Variants in MAGI2 observed in about 807,000 individuals in gnomAD.
MAGI2 encodes membrane associated guanylate kinase, WW and PDZ domain containing 2.
In MAGI2, 35 loss-of-function variants were observed where a neutral mutation model predicts 133.3. The observed-to-expected ratio is 0.26, with a 90% CI of 0.20 to 0.35. The LOEUF is 0.35. MAGI2 is among the 10% of genes least tolerant of loss of function. The pLI, the probability that MAGI2 is intolerant of heterozygous loss-of-function variation, is 1.00. For missense variants in MAGI2, 1,636 were observed against 1,863.4 expected (o/e 0.88, Z 2.25); for synonymous variants, 729 against 710.6 (o/e 1.03, Z -0.41).
intron 2 of MAGI2, among the ~76,000 whole-genome samples, chr7:78,731,774 T>C (rs1255569519): frequency 6.6e-6 from 1 of 152,188 alleles, no homozygotes; most frequent in Non-Finnish European, 1.5e-5. Context: ...TCTATTTTCT[T>C]TGAGCCCCTG....
intron 20 of MAGI2, among the ~76,000 whole-genome samples, chr7:78,124,105 C>T (rs773714137): frequency 5.3e-5 from 8 of 152,172 alleles, no homozygotes; most frequent in Admixed American, 2.0e-4. Context: ...TGTAGTCCAC[C>T]GTGGGTCTCT....
chr7:78,944,565 C>A (rs1801253128), intron 2 of MAGI2, among the ~76,000 whole-genome samples: 1 of 151,956 alleles, frequency 6.6e-6, no homozygotes, highest in Non-Finnish European at 1.5e-5. Flanking sequence ...TCTTTCAAAT[C>A]ATTAAATAAA....
intron 1 of MAGI2, among the ~76,000 whole-genome samples, chr7:79,300,695 A>G (rs542271186): frequency 6.6e-6 from 1 of 152,310 alleles, no homozygotes; most frequent in East Asian, 1.9e-4. Context: ...CTTGCTAGAG[A>G]GATGTGCATA....
chr7:79,359,667 GAAACACAC>G (rs1563150433), intron 1 of MAGI2, among the ~76,000 whole-genome samples: 1 of 121,582 alleles, frequency 8.2e-6, no homozygotes, highest in East Asian at 2.7e-4. Flanking sequence ...GCTCAAGTGG[GAAACACAC>G]ACACACACAC....
intron 2 of MAGI2, among the ~76,000 whole-genome samples, chr7:78,644,071 A>G (rs1363981993): frequency 6.6e-6 from 1 of 152,182 alleles, no homozygotes; most frequent in Admixed American, 6.5e-5. Context: ...AAAGAACATT[A>G]ACAGTGATAA....
At chr7:79,289,291 GAATT>G (rs1836273442) in intron 1 of MAGI2, among the ~76,000 whole-genome samples, 1 of 152,182 alleles carries the variant, frequency 6.6e-6, no homozygotes, top group Admixed American at 6.5e-5. Flanking sequence ...TACCAAACAT[GAATT>G]AATATCACCA....
Position 78,127,279 on chromosome 7 carries a change from TA to T in MAGI2, c.3340del (p.Tyr1114ThrfsTer61). The T allele has an allele frequency of 1.2e-6, 2 of 1,607,236 alleles. No individual in the cohort carries two copies. Among genetic ancestry groups the T allele is most frequent in the Non-Finnish European group, 1.7e-6 (2 of 1,175,568 alleles). On this transcript the variant is annotated frameshift_variant, in exon 19 of 22. Transcript: ENST00000354212. LOFTEE classifies it high-confidence loss of function. ...GTAGTCCAGTAGGGGAGGCTGCCTG[TA>T]GTCCAAGGGTGGGGGCTGCTGGTAG... ...GDYQQPPPLD[Y>X]RQPPLLDYRQ...
chr7:79,373,400 C>G (rs1306491995), intron 1 of MAGI2, among the ~76,000 whole-genome samples: 1 of 151,684 alleles, frequency 6.6e-6, no homozygotes, highest in African/African-American at 2.4e-5. Flanking sequence ...CAATACAGTT[C>G]CCTTCTGAAA....
intron 6 of MAGI2, among the ~76,000 whole-genome samples, chr7:78,404,580 A>C (rs888463002): frequency 6.6e-6 from 1 of 152,208 alleles, no homozygotes; most frequent in African/African-American, 2.4e-5. Flanking sequence ...AGGATTCCCT[A>C]TTTAATAAAT....
At chr7:78,559,769 T>G (rs932731070) in intron 3 of MAGI2, among the ~76,000 whole-genome samples, 4 of 152,196 alleles carry the variant, frequency 2.6e-5, no homozygotes, top group Admixed American at 6.5e-5. Flanking sequence ...GTCACATCCC[T>G]GCCTTGAGAA....
chr7:78,840,089 A>T (rs1433629589), intron 2 of MAGI2, among the ~76,000 whole-genome samples: 1 of 151,454 alleles, frequency 6.6e-6, no homozygotes, highest in Non-Finnish European at 1.5e-5. Flanking sequence ...AGTTCACTTA[A>T]TTTTTTTTTA....
chr7:78,489,849 A>G lies in MAGI2; in HGVS notation c.966-9T>C. ...TTGTCTTTGTGTTATGGCTGAAAAGAAAAGAGATCACTCTGAACAGACACA... is the reference window on the plus strand; with the variant it reads ...TTGTCTTTGTGTTATGGCTGAAAAGGAAAGAGATCACTCTGAACAGACACA... On this transcript the variant is annotated splice_polypyrimidine_tract_variant and intron_variant, in intron 5 of 21. Coordinates refer to ENST00000354212, the MANE Select transcript of MAGI2 (RefSeq NM_012301.4). 6.2e-7 allele frequency: 1 copy of G among 1,606,754 alleles called. No homozygotes were observed. Among genetic ancestry groups the G allele is most frequent in the South Asian group, 1.1e-5 (1 of 90,780 alleles).
chr7:78,770,044 C>T (rs1224495161), intron 2 of MAGI2, among the ~76,000 whole-genome samples: 1 of 152,144 alleles, frequency 6.6e-6, no homozygotes, highest in African/African-American at 2.4e-5. Context: ...AGATTCTTGA[C>T]CAGGGCACAA....
In MAGI2 at chr7:78,807,345, G is replaced by A. The variant is rs1788664171; in HGVS notation, c.419-180106C>T. Among the ~76,000 whole-genome samples, 4 of 152,070 alleles carry A rather than the reference G, an allele frequency of 2.6e-5. No homozygotes were observed. In the South Asian group the frequency reaches 6.2e-4, roughly 24 times the overall value. The stretch of plus-strand genomic sequence containing the variant: ...TGCTAATATAAATAATATATTTTAT[G>A]AAAATTTAAAAAGCTATTTTTCAAA... On this transcript the variant is annotated intron_variant, in intron 2 of 21. Transcript: ENST00000354212.
At chr7:79,213,517 T>C (rs927155643) in intron 1 of MAGI2, among the ~76,000 whole-genome samples, 2 of 152,060 alleles carry the variant, frequency 1.3e-5, no homozygotes, top group African/African-American at 4.8e-5. Flanking sequence ...TGAGGATACA[T>C]TTTGCCCATT....
chr7:78,568,666 T>G (rs1166140098), intron 3 of MAGI2, among the ~76,000 whole-genome samples: 1 of 152,208 alleles, frequency 6.6e-6, no homozygotes, highest in African/African-American at 2.4e-5. Flanking sequence ...CTCGCCAGTC[T>G]CTCTGCTTCC....
chr7:79,139,675 TG>T (rs1290993038), intron 1 of MAGI2, among the ~76,000 whole-genome samples: 2 of 152,082 alleles, frequency 1.3e-5, no homozygotes, highest in African/African-American at 2.4e-5. Flanking sequence ...ATACACGAAT[TG>T]AGTGGATGAA....
At chr7:78,440,907 C>G (rs1020968105) in intron 6 of MAGI2, among the ~76,000 whole-genome samples, 2 of 152,034 alleles carry the variant, frequency 1.3e-5, no homozygotes, top group Admixed American at 6.6e-5. Flanking sequence ...GAGCTGAGAT[C>G]GCACCACTGC....
intron 10 of MAGI2, among the ~76,000 whole-genome samples, chr7:78,244,038 T>C (rs958895000): frequency 2.7e-5 from 4 of 150,228 alleles, no homozygotes; most frequent in Admixed American, 6.6e-5. Context: ...TAATAAGAAA[T>C]AAGGGCCAGG....
Sources: gnomAD v4.1 joint callset for allele counts (sites outside exome capture counted in the v4.1 genomes callset) on GRCh38, gnomAD v4.1.1 for gene constraint, MANE v1.5 for transcripts, NCBI Gene and HGNC (gene_info 2026-07-23, HGNC 2026-07-21) for gene names.